ADCY9: variants seen among roughly 807,000 people sequenced by gnomAD.
ADCY9 encodes adenylate cyclase type 9.
A neutral mutation model predicts 101.5 loss-of-function variants in ADCY9; 50 were observed. That is an observed-to-expected ratio of 0.49 (90% CI 0.39 to 0.62). The LOEUF (loss-of-function observed/expected upper bound fraction) is 0.62, where lower values mean the gene tolerates loss of function less well. Among genes scored for constraint, ADCY9 ranks in the 20% least tolerant of loss-of-function variants. The pLI, the probability that ADCY9 is intolerant of heterozygous loss-of-function variation, is 0.00. For missense variants in ADCY9, 1,662 were observed against 1,800.4 expected, an observed-to-expected ratio of 0.92 and a Z score of 1.39; for synonymous variants, 905 against 769.3, an observed-to-expected ratio of 1.18 and a Z score of -2.92.
chr16:4,061,022 C>T (rs1458076532), intron 2 of ADCY9, among the ~76,000 whole-genome samples: 1 of 151,788 alleles, frequency 6.6e-6, no homozygotes, highest in African/African-American at 2.4e-5. Context: ...AATAAAGAGA[C>T]AGAAATTATA....
rs2055957822 is a variant in ADCY9 at position 3,963,465 on chromosome 16, A to G, written c.*2310T>C. ...CGAGGGGCTTCGTGGCCCAGAGAGAACGTCTGCACTGGCTGTTTAGGAAGG... is the reference window on the plus strand; with the variant it reads ...CGAGGGGCTTCGTGGCCCAGAGAGAGCGTCTGCACTGGCTGTTTAGGAAGG... On this transcript the variant is annotated 3_prime_UTR_variant, in exon 11 of 11. Transcript: ENST00000294016. 2 of 396,306 alleles carry G rather than the reference A, an allele frequency of 5.0e-6. No homozygotes were observed. The highest frequency in any genetic ancestry group is 1.3e-4 in the South Asian group (1 of 7,734). The allele number at this position is 396,306 out of a possible 1,614,324, so 24.5% of individuals were successfully genotyped here.
At chr16:4,107,763 G>A (rs565125080) in intron 2 of ADCY9, among the ~76,000 whole-genome samples, 1 of 152,214 alleles carries the variant, frequency 6.6e-6, no homozygotes, top group African/African-American at 2.4e-5. Flanking sequence ...TCAGCTGGCA[G>A]GCCCGTGCTC....
intron 5 of ADCY9, among the ~76,000 whole-genome samples, chr16:3,954,453 A>C (rs868620878): frequency 1.3e-5 from 2 of 152,148 alleles, no homozygotes; most frequent in African/African-American, 4.8e-5. Flanking sequence ...AGCCGGGATC[A>C]GGCCCAGAAC....
At chr16:4,103,052 A>G (rs918636965) in intron 2 of ADCY9, among the ~76,000 whole-genome samples, 2 of 152,256 alleles carry the variant, frequency 1.3e-5, no homozygotes, top group Non-Finnish European at 2.9e-5. Context: ...CACTTTGAAC[A>G]TGAGCAACAA....
At chr16:3,991,257 A>G (rs1380943486) in intron 5 of ADCY9, among the ~76,000 whole-genome samples, 3 of 152,218 alleles carry the variant, frequency 2.0e-5, no homozygotes, top group Non-Finnish European at 2.9e-5. Context: ...TAATAACCCT[A>G]GATGAGACAA....
intron 2 of ADCY9, among the ~76,000 whole-genome samples, chr16:4,014,308 G>C (rs964549580): frequency 1.1e-4 from 16 of 140,524 alleles, no homozygotes; most frequent in Admixed American, 3.0e-4. Context: ...GACAGAGTGA[G>C]ACTTTGTCTC....
At chr16:4,007,635 GA>G in intron 2 of ADCY9, 77 bp from the exon 3 acceptor site, 1 of 1,287,054 alleles carries the variant, frequency 7.8e-7, no homozygotes, top group Non-Finnish European at 1.1e-6. Flanking sequence ...TTGCTCTCTG[GA>G]GAGGACTCAC....
intron 2 of ADCY9, among the ~76,000 whole-genome samples, chr16:4,033,277 T>G (rs1051068671): frequency 2.6e-5 from 4 of 152,222 alleles, no homozygotes; most frequent in Non-Finnish European, 5.9e-5. Context: ...AAATTTATTA[T>G]TTATAACGGC....
At chr16:4,078,137 A>G (rs2056879520) in intron 2 of ADCY9, among the ~76,000 whole-genome samples, 1 of 152,216 alleles carries the variant, frequency 6.6e-6, no homozygotes, top group Admixed American at 6.5e-5. Context: ...ACTCCTATGC[A>G]TTTAACCGAA....
At chr16:4,024,386 G>A (rs936048078) in intron 2 of ADCY9, among the ~76,000 whole-genome samples, 2 of 152,170 alleles carry the variant, frequency 1.3e-5, no homozygotes, top group Admixed American at 6.5e-5. Flanking sequence ...ATACGGTACA[G>A]GGAGTTCTCA....
intron 5 of ADCY9, among the ~76,000 whole-genome samples, chr16:3,991,436 T>C (rs1277322014): frequency 2.0e-5 from 3 of 152,008 alleles, no homozygotes; most frequent in East Asian, 1.9e-4. Flanking sequence ...TCAGGAATAT[T>C]TGATAAAAGG....
intron 2 of ADCY9, among the ~76,000 whole-genome samples, chr16:4,015,291 G>A (rs1722006036): frequency 6.6e-6 from 1 of 152,012 alleles, no homozygotes; most frequent in South Asian, 2.1e-4. Context: ...ACTGCTAAAT[G>A]CTACATTCCA....
chr16:4,034,634 G>C (rs957201872), intron 2 of ADCY9, among the ~76,000 whole-genome samples: 1 of 152,110 alleles, frequency 6.6e-6, no homozygotes, highest in Non-Finnish European at 1.5e-5. Context: ...GGCCAGGCTG[G>C]TGTCAAACTC....
intron 2 of ADCY9, among the ~76,000 whole-genome samples, chr16:4,055,763 G>A (rs2056733771): frequency 1.3e-5 from 2 of 152,148 alleles, no homozygotes; most frequent in African/African-American, 4.8e-5. Flanking sequence ...GAACCCAGAA[G>A]GCAGAGCTTG....
At chr16:4,054,997 T>C (rs538731648) in intron 2 of ADCY9, among the ~76,000 whole-genome samples, 11 of 152,150 alleles carry the variant, frequency 7.2e-5, no homozygotes, top group Non-Finnish European at 1.2e-4. Flanking sequence ...TTAATTATTA[T>C]GTAAATGAAA....
intron 2 of ADCY9, among the ~76,000 whole-genome samples, chr16:4,056,205 G>C (rs2239313): frequency 0.54 from 81,728 of 152,150 alleles, 23,331 homozygotes; most frequent in South Asian, 0.7. Context: ...TCCAGGCCCA[G>C]CAGTTTTCCT....
intron 2 of ADCY9, among the ~76,000 whole-genome samples, chr16:4,048,421 T>C (rs909746643): frequency 6.6e-6 from 1 of 152,250 alleles, no homozygotes; most frequent in Non-Finnish European, 1.5e-5. Flanking sequence ...CTCCCCCTTC[T>C]GTGGTTTATA....
At chr16:3,954,144 G>A (rs2055895463) in intron 5 of ADCY9, among the ~76,000 whole-genome samples, 1 of 152,176 alleles carries the variant, frequency 6.6e-6, no homozygotes, top group East Asian at 1.9e-4. Flanking sequence ...GTACCCAGAG[G>A]CCCCACTGAC....
At chr16:4,105,829 G>C (rs115114127) in intron 2 of ADCY9, among the ~76,000 whole-genome samples, 2,167 of 152,216 alleles carry the variant, frequency 0.014, 44 homozygotes, top group African/African-American at 0.045. Flanking sequence ...CTGGGCAACA[G>C]AGGAAGACCC....
Sources: gnomAD v4.1 joint callset for allele counts (sites outside exome capture counted in the v4.1 genomes callset) on GRCh38, gnomAD v4.1.1 for gene constraint, MANE v1.5 for transcripts, NCBI Gene and HGNC (gene_info 2026-07-23, HGNC 2026-07-21) for gene names.